Variants in PIGB observed in about 807,000 individuals in gnomAD.
The protein encoded by PIGB is phosphatidylinositol glycan anchor biosynthesis class B.
Under a neutral mutation model 68.4 loss-of-function variants are expected in PIGB, and 58 were observed. That is an observed-to-expected ratio of 0.85 (90% confidence interval 0.69 to 1.06). PIGB has a LOEUF of 1.06. Ranked by LOEUF, PIGB falls within the 50% of genes least tolerant of loss-of-function variation. The pLI is 0.00. For missense variants in PIGB, 634 were observed against 655.8 expected (o/e 0.97, Z 0.36); for synonymous variants, 219 against 220.5 (o/e 0.99, Z 0.06).
chr15:55,339,741 T>A (rs534328559), intron 7 of PIGB, among the ~76,000 whole-genome samples: 2 of 152,354 alleles, frequency 1.3e-5, no homozygotes, highest in Admixed American at 6.5e-5. Flanking sequence ...GAGGCCATTA[T>A]TCTAAGTGAA....
intron 9 of PIGB, among the ~76,000 whole-genome samples, chr15:55,345,146 C>G (rs751496434): frequency 3.9e-5 from 6 of 152,024 alleles, no homozygotes; most frequent in African/African-American, 1.4e-4. Flanking sequence ...CTGCCTTGGC[C>G]TCCCAAAGTG....
rs1278866600 is a variant in PIGB at position 55,329,732 on chromosome 15, C to T, written c.531C>T (p.Cys177=). ...TCTGTACTTTTTCTTAGTTTTTTTGCCAGTTGTGCTCCTGGTTCACATGGT... is the reference window on the plus strand; with the variant it reads ...TCTGTACTTTTTCTTAGTTTTTTTGTCAGTTGTGCTCCTGGTTCACATGGT... The part of the protein sequence containing the change: ...NQEVARWVFF[C]QLCSWFTWYC... The change falls in exon 5 of 12, where the codon TGC becomes TGT. Residue 177 remains cysteine (C), a synonymous_variant. Coordinates refer to ENST00000164305, the MANE Select transcript of PIGB (RefSeq NM_004855.5). The T allele has an allele frequency of 1.9e-6, 3 of 1,605,422 alleles. No individual in the cohort carries two copies. Among genetic ancestry groups the T allele is most frequent in the Non-Finnish European group, 2.5e-6 (3 of 1,176,816 alleles).
At chr15:55,347,983 C>CT (rs576991463) in intron 9 of PIGB, among the ~76,000 whole-genome samples, 6,406 of 93,920 alleles carry the variant, frequency 0.068, 463 homozygotes, top group East Asian at 0.19. Context: ...GCCATAGTTT[C>CT]TTTTTTTTTT....
chr15:55,354,149 T>TA (rs917764046), intron 10 of PIGB, among the ~76,000 whole-genome samples: 4 of 150,914 alleles, frequency 2.7e-5, no homozygotes, highest in Non-Finnish European at 3.0e-5. Context: ...CCATCTCTAC[T>TA]AAAAAAATAC....
rs1048174353 is a variant in PIGB at position 55,321,506 on chromosome 15, G to A, written c.417+116G>A. On this transcript the variant is annotated intron_variant, in intron 3 of 11. Coordinates refer to ENST00000164305, the MANE Select transcript of PIGB (RefSeq NM_004855.5). Reference sequence around the variant, plus strand: ...AAGCCCATGATACTACAGACATACTGTGATGTGTAACTCTTTAGTTTGTGC... The same window carrying A: ...AAGCCCATGATACTACAGACATACTATGATGTGTAACTCTTTAGTTTGTGC... 1.5e-5 allele frequency: 11 copies of A among 712,676 alleles called. No individual in the cohort carries two copies. The South Asian group carries it at 2.4e-4, about 15-fold the overall frequency. The allele number at this position is 712,676 out of a possible 1,614,324, so 44.1% of individuals were successfully genotyped here. A position where few individuals can be genotyped will look rare whatever the true frequency, so the allele number is the denominator to read the frequency against.
chr15:55,350,197 A>G (rs1165327412), intron 9 of PIGB: 1 of 153,104 alleles, frequency 6.5e-6, no homozygotes, highest in Non-Finnish European at 1.5e-5. Context: ...CTTACGGAAA[A>G]TCTCCCAGGT....
At chr15:55,336,668 G>C (rs1418572288) in intron 6 of PIGB, among the ~76,000 whole-genome samples, 1 of 152,214 alleles carries the variant, frequency 6.6e-6, no homozygotes, top group Admixed American at 6.5e-5. Context: ...ATCAGTTAGG[G>C]ATTGTAATTC....
At chr15:55,335,896 A>T (rs567177046) in intron 6 of PIGB, among the ~76,000 whole-genome samples, 1 of 152,264 alleles carries the variant, frequency 6.6e-6, no homozygotes, top group African/African-American at 2.4e-5. Flanking sequence ...CCACTGAGGG[A>T]GATAGAAAGC....
At chr15:55,333,151 C>T (rs2055456401) in intron 5 of PIGB, among the ~76,000 whole-genome samples, 1 of 151,892 alleles carries the variant, frequency 6.6e-6, no homozygotes, top group African/African-American at 2.4e-5. Context: ...TGCTTTTTAG[C>T]ACACAAGACT....
rs569362826 is a variant in PIGB, at chr15:55,354,073, A to C, written c.1338-725A>C. On this transcript the variant is annotated intron_variant, in intron 10 of 11. Transcript: ENST00000164305. The stretch of plus-strand genomic sequence containing the variant: ...ACACCTGTAATCCCAGCACTTTGGA[A>C]GGCTGAGGCGGGTGGATCACCTGAG... Among the ~76,000 whole-genome samples, 13 of 151,584 alleles carry C rather than the reference A, an allele frequency of 8.6e-5. 1 individual carries two copies. The East Asian group carries it at 2.5e-3, about 30-fold the overall frequency.
chr15:55,319,780 T>C, intron 1 of PIGB: 1 of 197,438 alleles, frequency 5.1e-6, no homozygotes, highest in Non-Finnish European at 1.1e-5. Context: ...GGGCTAATAA[T>C]ACCTATCCCA....
intron 4 of PIGB, among the ~76,000 whole-genome samples, chr15:55,327,932 T>C (rs903493482): frequency 5.3e-5 from 8 of 152,190 alleles, no homozygotes; most frequent in African/African-American, 1.7e-4. Flanking sequence ...TCTCTTTCCA[T>C]AGAATTGAGT....
intron 7 of PIGB, 87 bp downstream of exon 7, chr15:55,339,405 T>C: frequency 1.2e-6 from 1 of 813,552 alleles, no homozygotes. Flanking sequence ...TTTTAAATGA[T>C]ATGGGATACA....
chr15:55,333,885 G>A lies in PIGB; in HGVS notation c.672G>A (p.Leu224=), dbSNP rs1014314803. 4.4e-6 allele frequency: 7 copies of A among 1,602,808 alleles called. No individual in the cohort carries two copies. The highest frequency in any genetic ancestry group is 2.3e-5 in the East Asian group (1 of 44,266). The change falls in exon 6 of 12, where the codon CTG becomes CTA. Residue 224 remains leucine (L), a synonymous_variant. Transcript: ENST00000164305. ...CTTATAGTGTCAAATACTCATCCCT[G>A]GTGGCACTTGCCTTCATAATTCGTC... The part of the protein sequence containing the change: ...KSMNSVKYSS[L]VALAFIIRPT...
At chr15:55,322,183 C>T (rs944737393) in intron 3 of PIGB, among the ~76,000 whole-genome samples, 2 of 151,618 alleles carry the variant, frequency 1.3e-5, no homozygotes, top group South Asian at 2.1e-4. Flanking sequence ...CCCCATCCCC[C>T]GCAAAAAAAG....
chr15:55,347,549 C>G (rs575181605), intron 9 of PIGB, among the ~76,000 whole-genome samples: 2 of 152,288 alleles, frequency 1.3e-5, no homozygotes, highest in Non-Finnish European at 2.9e-5. Flanking sequence ...TGTAGTAAGG[C>G]TCCCAGAATA....
chr15:55,333,269 A>T (rs761145025), intron 5 of PIGB, among the ~76,000 whole-genome samples: 2 of 152,168 alleles, frequency 1.3e-5, no homozygotes, highest in Non-Finnish European at 2.9e-5. Context: ...AAAAACTAAG[A>T]CCCAGAAAGC....
chr15:55,319,699 T>G (rs957831755), intron 1 of PIGB: 2 of 254,572 alleles, frequency 7.9e-6, no homozygotes, highest in Middle Eastern at 1.2e-3. Flanking sequence ...TGAATCCTGA[T>G]AAGTAATTTA....
At chr15:55,325,003 T>C (rs889928057) in intron 3 of PIGB, among the ~76,000 whole-genome samples, 1 of 152,166 alleles carries the variant, frequency 6.6e-6, no homozygotes, top group Admixed American at 6.5e-5. Context: ...GCTCCTATAA[T>C]GTGGACTTAA....
Sources: gnomAD v4.1 joint callset for allele counts (sites outside exome capture counted in the v4.1 genomes callset) on GRCh38, gnomAD v4.1.1 for gene constraint, MANE v1.5 for transcripts, NCBI Gene and HGNC (gene_info 2026-07-23, HGNC 2026-07-21) for gene names.